Variants in THSD4 observed in about 807,000 individuals in gnomAD.
The protein encoded by THSD4 is thrombospondin type-1 domain-containing protein 4.
THSD4 carries 69 observed loss-of-function variants against 119.0 expected under a neutral mutation model. The observed-to-expected ratio is 0.58, with a 90% confidence interval of 0.48 to 0.71. THSD4 has a LOEUF of 0.71. Ranked by LOEUF, THSD4 falls within the 30% of genes least tolerant of loss-of-function variation. The pLI is 0.00. For missense variants in THSD4, 1,393 were observed against 1,391.1 expected, an observed-to-expected ratio of 1.00 and a Z score of -0.02; for synonymous variants, 524 against 540.4, an observed-to-expected ratio of 0.97 and a Z score of 0.42.
intron 7 of THSD4, among the ~76,000 whole-genome samples, chr15:71,474,659 G>A (rs1189974003): frequency 6.6e-6 from 1 of 152,206 alleles, no homozygotes; most frequent in East Asian, 1.9e-4. Context: ...TCTGCAGAAG[G>A]CTGCTGTATG....
chr15:71,732,487 CTT>C (rs2141137378), intron 10 of THSD4: 1 of 152,268 alleles, frequency 6.6e-6, no homozygotes, highest in South Asian at 2.1e-4. Context: ...TGCAGGCAGT[CTT>C]TTCCTTCCTT....
intron 8 of THSD4, among the ~76,000 whole-genome samples, chr15:71,700,324 A>G (rs2052259313): frequency 6.6e-6 from 1 of 152,190 alleles, no homozygotes; most frequent in Non-Finnish European, 1.5e-5. Context: ...TTTTAACAAG[A>G]TGCCATTCAC....
chr15:71,209,609 C>T (rs1454321837), intron 3 of THSD4, among the ~76,000 whole-genome samples: 1 of 152,150 alleles, frequency 6.6e-6, no homozygotes, highest in Non-Finnish European at 1.5e-5. Flanking sequence ...ACCAACATGT[C>T]GTTTTCCATA....
In THSD4 at chr15:71,728,565, T is replaced by C. The variant is rs1360204940; in HGVS notation, c.1374T>C (p.Ser458=). 2 of 1,614,204 alleles carry C rather than the reference T, an allele frequency of 1.2e-6. No homozygotes were observed. The highest frequency in any genetic ancestry group is 3.3e-5 in the Admixed American group (2 of 60,030). The change falls in exon 9 of 18, where the codon TCT becomes TCC. Residue 458 remains serine (S), a synonymous_variant. Coordinates refer to ENST00000261862, the MANE Select transcript of THSD4 (RefSeq NM_024817.3). ...TCTCAACAGCCCTGAGAAGTCGTTC[T>C]GGACGCTCCATCATCAATGGGAACT... The part of the protein sequence containing the change: ...SNNYLALRSR[S]GRSIINGNWA...
intron 4 of THSD4, among the ~76,000 whole-genome samples, chr15:71,242,196 A>C (rs780245539): frequency 3.3e-5 from 5 of 152,192 alleles, no homozygotes; most frequent in Non-Finnish European, 7.3e-5. Context: ...CTGAAATATC[A>C]CAGTTAGTTG....
At chr15:71,486,596 C>T (rs138980021) in intron 7 of THSD4, among the ~76,000 whole-genome samples, 1 of 143,116 alleles carries the variant, frequency 7.0e-6, no homozygotes, top group African/African-American at 2.5e-5. Flanking sequence ...CTCCCTAATG[C>T]CAAGTTTCTT....
chr15:71,416,201 A>C (rs774428028), intron 7 of THSD4, among the ~76,000 whole-genome samples: 15 of 152,330 alleles, frequency 9.8e-5, no homozygotes, highest in African/African-American at 3.6e-4. Context: ...TTGTGTCTAA[A>C]TAGTACTTTA....
chr15:71,114,538 C>T (rs1045553889), upstream of THSD4, among the ~76,000 whole-genome samples: 1 of 152,142 alleles, frequency 6.6e-6, no homozygotes, highest in Non-Finnish European at 1.5e-5. Context: ...TATTTCCTGC[C>T]TTCCCAGCTC....
chr15:71,469,330 CCA>C (rs892148090), intron 7 of THSD4, among the ~76,000 whole-genome samples: 1 of 152,190 alleles, frequency 6.6e-6, no homozygotes, highest in Non-Finnish European at 1.5e-5. Flanking sequence ...GGACTGGTTT[CCA>C]CACACACATC....
Position 71,748,587 on chromosome 15 carries a change from G to A in THSD4, c.2408G>A (p.Ser803Asn), listed in dbSNP as rs201103583. The A allele has an allele frequency of 4.2e-5, 67 of 1,613,952 alleles. No individual in the cohort carries two copies. Among genetic ancestry groups the A allele is most frequent in the Non-Finnish European group, 5.3e-5 (62 of 1,179,974 alleles). The change falls in exon 14 of 18, where the codon AGC (serine) becomes AAC (asparagine). Residue 803 changes from serine (S) to asparagine (N), a missense_variant. By Grantham distance (46) the Ser-to-Asn change is conservative. Transcript: ENST00000261862. ...AAGAGCTGGTTCCTCACCGAGTGGA[G>A]CGAAAGGGTGAGTGTGATGGCGGGC... ...CAKSWFLTEWSERCSAECGAG... is the reference protein window; with the variant it reads ...CAKSWFLTEWNERCSAECGAG...
intron 4 of THSD4, among the ~76,000 whole-genome samples, chr15:71,234,392 A>AT (rs537205816): frequency 3.0e-4 from 45 of 151,940 alleles, no homozygotes; most frequent in African/African-American, 1.1e-3. Flanking sequence ...TGCAACCTCC[A>AT]CCTCCCGGTT....
intron 6 of THSD4, among the ~76,000 whole-genome samples, chr15:71,289,976 T>A (rs1286670525): frequency 6.6e-6 from 1 of 152,096 alleles, no homozygotes; most frequent in Admixed American, 6.6e-5. Context: ...TGCCCGGGCA[T>A]GGGGGGAGTA....
chr15:71,484,386 C>T (rs924019861), intron 7 of THSD4, among the ~76,000 whole-genome samples: 4 of 152,120 alleles, frequency 2.6e-5, no homozygotes, highest in African/African-American at 2.4e-5. Flanking sequence ...ATTGTTTTTT[C>T]GATTAGATAG....
At chr15:71,132,465 A>T (rs2040512351) in intron 1 of THSD4, among the ~76,000 whole-genome samples, 1 of 152,244 alleles carries the variant, frequency 6.6e-6, no homozygotes, top group Non-Finnish European at 1.5e-5. Flanking sequence ...TATATGTAAA[A>T]TATGCAGATG....
At chr15:71,688,909 T>C (rs1456106924) in intron 8 of THSD4, among the ~76,000 whole-genome samples, 2 of 152,196 alleles carry the variant, frequency 1.3e-5, no homozygotes, top group Non-Finnish European at 2.9e-5. Context: ...ATGACAGATG[T>C]TCCAGAACCA....
chr15:71,340,893 C>G (rs1000624350), intron 6 of THSD4, among the ~76,000 whole-genome samples: 16 of 152,114 alleles, frequency 1.1e-4, no homozygotes, highest in Non-Finnish European at 2.4e-4. Context: ...AGCCACCGTG[C>G]CCAGCCCCAG....
At chr15:71,517,468 G>A (rs114177034) in intron 7 of THSD4, among the ~76,000 whole-genome samples, 1,551 of 152,128 alleles carry the variant, frequency 0.01, 24 homozygotes, top group African/African-American at 0.027. Context: ...CCAACCTTCT[G>A]AATCTCCCTC....
At chr15:71,326,021 A>G (rs185823361) in intron 6 of THSD4, among the ~76,000 whole-genome samples, 159 of 152,348 alleles carry the variant, frequency 1.0e-3, no homozygotes, top group African/African-American at 3.6e-3. Flanking sequence ...GCATTCGAGT[A>G]GAGCAAGAAC....
At chr15:71,720,260 AG>A (rs1471996636) in intron 8 of THSD4, among the ~76,000 whole-genome samples, 1 of 151,796 alleles carries the variant, frequency 6.6e-6, no homozygotes, top group Admixed American at 6.6e-5. Context: ...TATGTTGCCC[AG>A]GCTGGTCTTG....
Sources: allele counts gnomAD v4.1 joint callset (sites outside exome capture counted in the v4.1 genomes callset), GRCh38; gene constraint gnomAD v4.1.1; transcripts MANE v1.5; gene names NCBI Gene and HGNC (gene_info 2026-07-23, HGNC 2026-07-21).